Variants in KDM6A observed in about 807,000 individuals in gnomAD.
KDM6A encodes the protein lysine demethylase 6A, also known as lysine-specific demethylase 6A.
In KDM6A, 11 loss-of-function variants were observed where a neutral mutation model predicts 117.6. The ratio of observed to expected loss-of-function variants is 0.09; its 90% CI spans 0.06 to 0.15. The LOEUF (loss-of-function observed/expected upper bound fraction) is 0.15. KDM6A is among the 10% of genes least tolerant of loss of function. The pLI is 1.00. For missense variants in KDM6A, 799 were observed against 1,077.3 expected, an observed-to-expected ratio of 0.74 and a Z score of 3.62; for synonymous variants, 384 against 396.1, an observed-to-expected ratio of 0.97 and a Z score of 0.36.
At chrX:45,002,920 A>G (rs2041226074) in intron 4 of KDM6A, among the ~76,000 whole-genome samples, 1 of 88,066 alleles carries the variant, frequency 1.1e-5, no homozygotes, top group Non-Finnish European at 2.1e-5. Flanking sequence ...TGTGGACTAG[A>G]CTGCCTAAGG....
At position 45,051,634 on chromosome X, in the gene KDM6A, A is replaced by G. The variant is rs1210642597; in HGVS notation, c.655-75A>G. 5 of 569,123 alleles carry G rather than the reference A, an allele frequency of 8.8e-6. 1 individual carries two copies. In the Admixed American group the frequency reaches 9.7e-5, roughly 11 times the overall value. 46.9% of individuals were successfully genotyped at this position (569,123 alleles called of 1,213,427 possible). On this transcript the variant is annotated intron_variant, in intron 8 of 29. Coordinates refer to ENST00000611820, the MANE Select transcript of KDM6A (RefSeq NM_001291415.2). ...AAATATGCTAAAACATCAGTATTGTATAATTCTTAATATATGAAGTAGTTC... is the reference window on the plus strand; with the variant it reads ...AAATATGCTAAAACATCAGTATTGTGTAATTCTTAATATATGAAGTAGTTC...
At chrX:44,902,454 A>G (rs2034413175) in intron 2 of KDM6A, among the ~76,000 whole-genome samples, 1 of 106,698 alleles carries the variant, frequency 9.4e-6, no homozygotes, top group Non-Finnish European at 1.9e-5. Context: ...CAGTGGCATG[A>G]TCTCAGCTCA....
chrX:45,040,470 G>A (rs868106828), intron 8 of KDM6A, among the ~76,000 whole-genome samples: 1,535 of 77,213 alleles, frequency 0.02, 20 homozygotes, highest in African/African-American at 0.08. Context: ...CCTCCCTCCC[G>A]GATGGGGCGG....
intron 8 of KDM6A, among the ~76,000 whole-genome samples, chrX:45,044,245 C>A (rs1166511377): frequency 9.0e-6 from 1 of 111,374 alleles, no homozygotes; most frequent in Non-Finnish European, 1.9e-5. Context: ...ATTTACCTTC[C>A]CTGTTTTATT....
chrX:44,940,802 G>A (rs1349447613), intron 2 of KDM6A, among the ~76,000 whole-genome samples: 1 of 111,707 alleles, frequency 9.0e-6, no homozygotes, highest in East Asian at 2.8e-4. Flanking sequence ...TTGGGAGGCC[G>A]AGGTGGGCGG....
At chrX:45,029,624 A>AAT (rs58845739) in intron 6 of KDM6A, among the ~76,000 whole-genome samples, 3 of 109,638 alleles carry the variant, frequency 2.7e-5, no homozygotes, top group African/African-American at 1.0e-4. Context: ...AAAAAAAAAA[A>AAT]GTTATATTTT....
At chrX:45,050,078 G>A (rs776489018) in intron 8 of KDM6A, among the ~76,000 whole-genome samples, 18 of 112,950 alleles carry the variant, frequency 1.6e-4, no homozygotes, top group East Asian at 1.4e-3. Context: ...GGTGGCTCAC[G>A]CCTGTAATCC....
chrX:44,890,674 G>T (rs1283184973), intron 2 of KDM6A, among the ~76,000 whole-genome samples: 4 of 70,498 alleles, frequency 5.7e-5, no homozygotes, highest in East Asian at 1.1e-3. Flanking sequence ...TTTTTTGCGA[G>T]ATAGAGTTTC....
At chrX:45,043,111 G>A (rs774904554) in intron 8 of KDM6A, among the ~76,000 whole-genome samples, 22 of 111,301 alleles carry the variant, frequency 2.0e-4, no homozygotes, top group Non-Finnish European at 4.1e-4. Context: ...GCAACATGGT[G>A]AAACCCCATC....
chrX:44,912,717 A>G (rs996113448), intron 2 of KDM6A, among the ~76,000 whole-genome samples: 1 of 111,935 alleles, frequency 8.9e-6, no homozygotes, highest in Non-Finnish European at 1.9e-5. Context: ...CCTGAGAGAG[A>G]ATCAGCTTAT....
intron 4 of KDM6A, among the ~76,000 whole-genome samples, chrX:44,986,376 A>ATTT: frequency 9.0e-6 from 1 of 110,972 alleles, no homozygotes; most frequent in Admixed American, 9.6e-5. Flanking sequence ...GGATTCATTG[A>ATTT]TTTTTTTGAA....
chrX:45,082,720 G>A lies in KDM6A; in HGVS notation c.3371G>A (p.Gly1124Glu), dbSNP rs2148143527. Residue 1124 changes from glycine (G) to glutamate (E), a missense_variant, in exon 23 of 30, where the codon GGG becomes GAG. Gly to Glu is a moderately conservative substitution (Grantham distance 98). Around this residue, in one of 8 missense-constraint regions of KDM6A, gnomAD observed 291 missense variants for 437.9 expected, o/e 0.66. Coordinates refer to ENST00000611820, the MANE Select transcript of KDM6A (RefSeq NM_001291415.2). ...DSESTSSDNS[G>E]RRRKGPFKTI... Reference sequence around the variant, plus strand: ...TACTGTGTCTCTTTTTTAAGTTCTGGGAGGAGGAGGAAAGGACCCTTTAAA... The same window carrying A: ...TACTGTGTCTCTTTTTTAAGTTCTGAGAGGAGGAGGAAAGGACCCTTTAAA... The A allele has an allele frequency of 8.3e-7, 1 of 1,202,350 alleles. No homozygotes were observed. Among genetic ancestry groups the A allele is most frequent in the Non-Finnish European group, 1.1e-6 (1 of 887,635 alleles).
chrX:44,923,111 A>G (rs2036069985), intron 2 of KDM6A, among the ~76,000 whole-genome samples: 1 of 111,214 alleles, frequency 9.0e-6, no homozygotes. Flanking sequence ...TGTCATCCTT[A>G]TTTTTGTTCC....
intron 2 of KDM6A, among the ~76,000 whole-genome samples, chrX:44,915,110 GC>G (rs1421352582): frequency 9.0e-6 from 1 of 111,349 alleles, no homozygotes; most frequent in Admixed American, 9.6e-5. Context: ...TTTTTTTCTT[GC>G]CATTAGTCAT....
At chrX:44,891,669 T>C (rs1316535450) in intron 2 of KDM6A, among the ~76,000 whole-genome samples, 1 of 111,979 alleles carries the variant, frequency 8.9e-6, no homozygotes, top group African/African-American at 3.3e-5. Flanking sequence ...GCAGTTTTGC[T>C]ATGAGACTAC....
At chrX:45,089,541 A>T (rs1303042232) in intron 25 of KDM6A, among the ~76,000 whole-genome samples, 1 of 110,736 alleles carries the variant, frequency 9.0e-6, no homozygotes, top group East Asian at 2.8e-4. Context: ...AAAAAAAAAA[A>T]AGTAACACTG....
chrX:44,912,487 C>T (rs1602162556), intron 2 of KDM6A, among the ~76,000 whole-genome samples: 2 of 112,095 alleles, frequency 1.8e-5, no homozygotes, highest in Non-Finnish European at 3.8e-5. Context: ...ACACAACACA[C>T]GTATGTTTTA....
chrX:44,971,467 G>T lies in KDM6A; in HGVS notation c.335-3199G>T, dbSNP rs138088283. On this transcript the variant is annotated intron_variant, in intron 3 of 29. Coordinates refer to ENST00000611820, the MANE Select transcript of KDM6A (RefSeq NM_001291415.2). Reference sequence around the variant, plus strand: ...TTTATATGATTTTATATATATTTTGGCAATTTACAGTAAAATGAAAACATT... The same window carrying T: ...TTTATATGATTTTATATATATTTTGTCAATTTACAGTAAAATGAAAACATT... Among the ~76,000 whole-genome samples, 148 of 111,690 alleles carry T rather than the reference G, an allele frequency of 1.3e-3. 4 individuals are homozygous for T. The East Asian group carries it at 0.039, about 29-fold the overall frequency.
intron 2 of KDM6A, among the ~76,000 whole-genome samples, chrX:44,875,217 A>T (rs1255475925): frequency 8.9e-6 from 1 of 112,454 alleles, no homozygotes; most frequent in Non-Finnish European, 1.9e-5. Context: ...TTGAGACGCA[A>T]GTTTGAAATA....
Sources: gnomAD v4.1 joint callset for allele counts (sites outside exome capture counted in the v4.1 genomes callset) on GRCh38, gnomAD v4.1.1 for gene constraint, gnomAD v4.1.1 regional missense constraint, MANE v1.5 for transcripts, NCBI Gene and HGNC (gene_info 2026-07-23, HGNC 2026-07-21) for gene names.